Variants in RBFOX2 observed in about 807,000 individuals in gnomAD.
RBFOX2 encodes the protein RNA binding protein fox-1 homolog 2.
RBFOX2 carries 10 observed loss-of-function variants against 49.1 expected under a neutral mutation model. The ratio of observed to expected loss-of-function variants is 0.20; its 90% CI spans 0.13 to 0.35. The LOEUF (loss-of-function observed/expected upper bound fraction) is 0.35. Among genes scored for constraint, RBFOX2 ranks in the 10% least tolerant of loss-of-function variants. The probability of loss-of-function intolerance (pLI) is 1.00; values close to 1 mark genes in which losing one functional copy is unlikely to be tolerated. For synonymous variants in RBFOX2, 183 were observed against 187.4 expected (o/e 0.98, Z 0.19); for missense variants, 323 against 486.9 (o/e 0.66, Z 3.17).
chr22:35,891,547 G>C (rs190580048), intron 1 of RBFOX2, among the ~76,000 whole-genome samples: 1 of 152,194 alleles, frequency 6.6e-6, no homozygotes, highest in East Asian at 1.9e-4. Flanking sequence ...AGACAGAATT[G>C]AACTATGAAA....
chr22:36,003,961 G>C (rs142540695), intron 1 of RBFOX2, among the ~76,000 whole-genome samples: 27 of 152,244 alleles, frequency 1.8e-4, no homozygotes, highest in African/African-American at 6.5e-4. Context: ...CTTCATTGTG[G>C]GAGACTCTCT....
chr22:35,757,764 A>AG (rs1937421106), intron 9 of RBFOX2, among the ~76,000 whole-genome samples: 1 of 152,176 alleles, frequency 6.6e-6, no homozygotes, highest in Non-Finnish European at 1.5e-5. Context: ...AAAGTCTGAT[A>AG]TTAGAAAGTA....
intron 1 of RBFOX2, among the ~76,000 whole-genome samples, chr22:35,828,092 C>G (rs1475420190): frequency 6.7e-6 from 1 of 149,224 alleles, no homozygotes; most frequent in Non-Finnish European, 1.5e-5. Context: ...GCCTGGGAAA[C>G]GGAGGTTGCA....
intron 1 of RBFOX2, among the ~76,000 whole-genome samples, chr22:35,822,361 A>C (rs138207486): frequency 5.1e-4 from 77 of 152,278 alleles, no homozygotes; most frequent in Non-Finnish European, 8.7e-4. Context: ...ATGAGTATTT[A>C]TGAGTATTTT....
At chr22:36,026,191 AGAGGTG>A (rs559885702) in intron 1 of RBFOX2, among the ~76,000 whole-genome samples, 8 of 151,582 alleles carry the variant, frequency 5.3e-5, no homozygotes, top group Admixed American at 1.3e-4. Context: ...CCTTGAACCC[AGAGGTG>A]GAGGTGGAGG....
intron 1 of RBFOX2, among the ~76,000 whole-genome samples, chr22:36,001,228 C>T (rs576291713): frequency 8.5e-6 from 1 of 118,048 alleles, no homozygotes; most frequent in South Asian, 2.6e-4. Flanking sequence ...CACACACACA[C>T]ACACACTATA....
rs60959348 is a variant in RBFOX2, at chr22:35,934,166, TAAAA to T, written c.-34+4677_-34+4680del. Among the ~76,000 whole-genome samples the T allele has an allele frequency of 3.7e-3, 532 of 141,874 alleles. 1 individual carries two copies. Among genetic ancestry groups the T allele is most frequent in the African/African-American group, 0.012 (472 of 38,694 alleles). The allele number at this position is 141,874 out of a possible 152,430, so 93.1% of individuals were successfully genotyped here. On this transcript the variant is annotated intron_variant, in intron 1 of 13. Coordinates refer to the RBFOX2 transcript ENST00000359369. The stretch of plus-strand genomic sequence containing the variant: ...ATGTCATCAAGACCGTGTTCCTCTT[TAAAA>T]AAAAAAACAAATTAGAACTCACAGA...
chr22:35,898,749 G>C (rs765961456), intron 1 of RBFOX2, among the ~76,000 whole-genome samples: 5 of 151,990 alleles, frequency 3.3e-5, no homozygotes, highest in Non-Finnish European at 7.4e-5. Context: ...TCTTAACCAA[G>C]TATCAATAAA....
At chr22:35,970,997 A>G (rs1466069147) in intron 1 of RBFOX2, among the ~76,000 whole-genome samples, 1 of 152,136 alleles carries the variant, frequency 6.6e-6, no homozygotes, top group Non-Finnish European at 1.5e-5. Context: ...AAAATCAAGT[A>G]TATATATAAA....
At position 35,771,490 on chromosome 22, in the gene RBFOX2, G is replaced by A. The variant is rs565279814; in HGVS notation, c.454-3141C>T. Reference sequence around the variant, plus strand: ...CTTGTGAGAGCCATTTTGGACTTCTGACCTCCAGAGCTGTAAGATAATAAA... The same window carrying A: ...CTTGTGAGAGCCATTTTGGACTTCTAACCTCCAGAGCTGTAAGATAATAAA... On this transcript the variant is annotated intron_variant, in intron 4 of 11. Coordinates refer to ENST00000405409, the Ensembl canonical transcript of RBFOX2. Among the ~76,000 whole-genome samples, 11 of 152,262 alleles carry A rather than the reference G, an allele frequency of 7.2e-5. 1 individual carries two copies. Among genetic ancestry groups the A allele is most frequent in the Non-Finnish European group, 1.0e-4 (7 of 68,024 alleles).
At chr22:36,011,438 G>A (rs2058818633) in intron 1 of RBFOX2, among the ~76,000 whole-genome samples, 2 of 152,260 alleles carry the variant, frequency 1.3e-5, no homozygotes, top group South Asian at 4.1e-4. Flanking sequence ...TTTGGACATG[G>A]TTCTCTCAGT....
chr22:35,829,410 A>T (rs1956383563), intron 1 of RBFOX2, among the ~76,000 whole-genome samples: 1 of 152,138 alleles, frequency 6.6e-6, no homozygotes, highest in Admixed American at 6.5e-5. Flanking sequence ...GAGAGGTGTG[A>T]AAAAGACCTA....
chr22:35,927,604 CAAAAAAAAAA>C (rs361700), intron 1 of RBFOX2, among the ~76,000 whole-genome samples: 1 of 49,186 alleles, frequency 2.0e-5, no homozygotes, highest in East Asian at 7.0e-4. Flanking sequence ...AACTCCGTCT[CAAAAAAAAAA>C]AAAAAAAAAA....
chr22:35,850,657 A>C (rs2041836594), intron 1 of RBFOX2, among the ~76,000 whole-genome samples: 2 of 152,178 alleles, frequency 1.3e-5, no homozygotes, highest in African/African-American at 4.8e-5. Context: ...ACAAATACAC[A>C]TGTGCACACA....
At chr22:35,951,784 C>T (rs1196281848) in intron 1 of RBFOX2, among the ~76,000 whole-genome samples, 1 of 152,128 alleles carries the variant, frequency 6.6e-6, no homozygotes, top group African/African-American at 2.4e-5. Flanking sequence ...ACAATTTTTC[C>T]CCCATATTAC....
chr22:35,977,522 C>A (rs1264312235), intron 1 of RBFOX2, among the ~76,000 whole-genome samples: 1 of 151,754 alleles, frequency 6.6e-6, no homozygotes, highest in Non-Finnish European at 1.5e-5. Flanking sequence ...GAACAGAAAT[C>A]TGATCAGTGA....
intron 1 of RBFOX2, chr22:35,822,794 ACT>A (rs1051304023): frequency 2.4e-6 from 1 of 423,632 alleles, no homozygotes; most frequent in Non-Finnish European, 4.6e-6. Context: ...GGAGACAAAC[ACT>A]GTTTTATGTT....
At chr22:35,803,254 A>C (rs758634481) in intron 2 of RBFOX2, among the ~76,000 whole-genome samples, 28 of 152,198 alleles carry the variant, frequency 1.8e-4, no homozygotes, top group Non-Finnish European at 3.4e-4. Flanking sequence ...TTTTCATTAA[A>C]AAATTACAAG....
intron 1 of RBFOX2, among the ~76,000 whole-genome samples, chr22:36,015,099 T>A (rs569379303): frequency 1.3e-5 from 2 of 152,238 alleles, no homozygotes; most frequent in South Asian, 4.1e-4. Context: ...AACAGAAAAA[T>A]TAGTTTCTAA....
Sources: gnomAD v4.1 joint callset for allele counts (sites outside exome capture counted in the v4.1 genomes callset) on GRCh38, gnomAD v4.1.1 for gene constraint, MANE v1.5 for transcripts, NCBI Gene and HGNC (gene_info 2026-07-23, HGNC 2026-07-21) for gene names.